Variants in MAST4 observed in about 807,000 individuals in gnomAD.
MAST4 encodes microtubule-associated serine/threonine-protein kinase 4.
A neutral mutation model predicts 162.7 loss-of-function variants in MAST4; 89 were observed. The observed-to-expected ratio is 0.55, with a 90% CI of 0.46 to 0.65. MAST4 has a LOEUF of 0.65. Ranked by LOEUF, MAST4 falls within the 30% of genes least tolerant of loss-of-function variation. The pLI is 0.00. For synonymous variants in MAST4, 1,479 were observed against 1,361.1 expected (o/e 1.09, Z -1.91); for missense variants, 3,153 against 3,374.0 (o/e 0.93, Z 1.62).
intron 3 of MAST4, among the ~76,000 whole-genome samples, chr5:66,870,057 A>G (rs1760814984): frequency 6.6e-6 from 1 of 152,174 alleles, no homozygotes; most frequent in African/African-American, 2.4e-5. Context: ...TTGGCATGGA[A>G]TGAATAATAG....
chr5:66,967,480 G>C (rs555876622), intron 4 of MAST4, among the ~76,000 whole-genome samples: 1 of 152,226 alleles, frequency 6.6e-6, no homozygotes, highest in South Asian at 2.1e-4. Context: ...TATGGAGGTT[G>C]TGGTAAGACA....
chr5:67,117,725 T>A (rs186630304), intron 12 of MAST4, among the ~76,000 whole-genome samples: 28 of 152,094 alleles, frequency 1.8e-4, no homozygotes, highest in African/African-American at 6.5e-4. Context: ...TTAGAGAAAA[T>A]TATTTCATGT....
chr5:66,907,158 CGAGAGAGAGAGAGA>C (rs34963439), intron 4 of MAST4, among the ~76,000 whole-genome samples: 10,275 of 104,326 alleles, frequency 0.098, 484 homozygotes, highest in East Asian at 0.21. Context: ...CTCAGCAAAG[CGAGAGAGAGAGAGA>C]GAGAGAGAGA....
chr5:66,750,996 C>A (rs1315293606), intron 1 of MAST4, among the ~76,000 whole-genome samples: 1 of 152,188 alleles, frequency 6.6e-6, no homozygotes, highest in Non-Finnish European at 1.5e-5. Context: ...CCCCTGACCC[C>A]CAAGCAGCCT....
chr5:67,009,621 T>A (rs939698299), intron 4 of MAST4, among the ~76,000 whole-genome samples: 1 of 152,370 alleles, frequency 6.6e-6, no homozygotes, highest in African/African-American at 2.4e-5. Flanking sequence ...ATGACTGGCA[T>A]GTAAAAATTC....
chr5:67,078,911 A>AATAAATAAATATATATATTAT (rs1227485756), intron 5 of MAST4, among the ~76,000 whole-genome samples: 1 of 38,110 alleles, frequency 2.6e-5, no homozygotes, highest in African/African-American at 1.2e-4. Context: ...TTTTTATATA[A>AATAAATAAATATATATATTAT]ATATATATAT....
chr5:67,149,038 G>A (rs984082765), intron 23 of MAST4, among the ~76,000 whole-genome samples: 2 of 152,130 alleles, frequency 1.3e-5, no homozygotes, highest in Admixed American at 1.3e-4. Flanking sequence ...GCCTTTCATG[G>A]TATGGGGGGG....
chr5:66,885,956 A>C (rs1015531119), intron 3 of MAST4, among the ~76,000 whole-genome samples: 1 of 152,178 alleles, frequency 6.6e-6, no homozygotes, highest in African/African-American at 2.4e-5. Context: ...GATGCTTTAC[A>C]TGTATTATTT....
At chr5:66,604,436 G>T (rs967992986) in intron 1 of MAST4, among the ~76,000 whole-genome samples, 1 of 152,214 alleles carries the variant, frequency 6.6e-6, no homozygotes, top group Non-Finnish European at 1.5e-5. Context: ...AATGATGGTA[G>T]GTGGGAGGGA....
intron 1 of MAST4, among the ~76,000 whole-genome samples, chr5:66,639,304 G>T (rs1195311434): frequency 6.6e-6 from 1 of 151,812 alleles, no homozygotes; most frequent in African/African-American, 2.4e-5. Flanking sequence ...GTGTGTGTGT[G>T]TGTGTGTGTT....
In MAST4 at chr5:66,608,481, A is replaced by G. The variant is rs75812652; in HGVS notation, c.363+11463A>G. Among the ~76,000 whole-genome samples the G allele has an allele frequency of 3.3e-3, 486 of 149,404 alleles. 2 individuals are homozygous for G. The highest frequency in any genetic ancestry group is 0.011 in the African/African-American group (460 of 40,574). ...ATTCTACCTTTCAGATAATGCTTACATAGGAAAATATGGACGACTTATATG... is the reference window on the plus strand; with the variant it reads ...ATTCTACCTTTCAGATAATGCTTACGTAGGAAAATATGGACGACTTATATG... On this transcript the variant is annotated intron_variant, in intron 1 of 28. Transcript: ENST00000403625.
At chr5:66,637,898 G>A (rs1745227576) in intron 1 of MAST4, among the ~76,000 whole-genome samples, 1 of 151,946 alleles carries the variant, frequency 6.6e-6, no homozygotes, top group Non-Finnish European at 1.5e-5. Context: ...TTTTGTAGAG[G>A]TGAGGTCTCA....
intron 4 of MAST4, among the ~76,000 whole-genome samples, chr5:67,017,677 C>T (rs1363422829): frequency 1.3e-5 from 2 of 149,280 alleles, no homozygotes; most frequent in African/African-American, 4.9e-5. Context: ...GATCTCAGCT[C>T]AGTGCAACCT....
chr5:66,610,270 T>C (rs905026473), intron 1 of MAST4, among the ~76,000 whole-genome samples: 1 of 152,074 alleles, frequency 6.6e-6, no homozygotes, highest in Non-Finnish European at 1.5e-5. Flanking sequence ...AGGATACCAG[T>C]CATTTTGGAT....
At chr5:66,693,169 G>A (rs58383432) in intron 1 of MAST4, among the ~76,000 whole-genome samples, 16,934 of 151,898 alleles carry the variant, frequency 0.11, 1,059 homozygotes, top group East Asian at 0.26. Flanking sequence ...CCAATCCCCC[G>A]GGAACTAATG....
At chr5:67,015,034 C>T (rs1753116797) in intron 4 of MAST4, among the ~76,000 whole-genome samples, 2 of 152,150 alleles carry the variant, frequency 1.3e-5, no homozygotes, top group African/African-American at 2.4e-5. Context: ...AGAGACATTC[C>T]ATGGAATGGG....
intron 1 of MAST4, among the ~76,000 whole-genome samples, chr5:66,689,985 A>T (rs554497453): frequency 6.6e-6 from 1 of 152,152 alleles, no homozygotes; most frequent in East Asian, 1.9e-4. Context: ...CTGCAAGTGT[A>T]TCATAGGCCA....
intron 4 of MAST4, among the ~76,000 whole-genome samples, chr5:66,925,983 G>C (rs1203832052): frequency 6.6e-6 from 1 of 151,630 alleles, no homozygotes; most frequent in Non-Finnish European, 1.5e-5. Flanking sequence ...GAGAACAGAT[G>C]AGTGATGGAT....
chr5:66,607,334 A>T (rs1217907280), intron 1 of MAST4, among the ~76,000 whole-genome samples: 3 of 152,240 alleles, frequency 2.0e-5, no homozygotes, highest in African/African-American at 7.2e-5. Flanking sequence ...AAGCTGCTAT[A>T]ATCCTGGGTT....
Sources: allele counts gnomAD v4.1 joint callset (sites outside exome capture counted in the v4.1 genomes callset), GRCh38; gene constraint gnomAD v4.1.1; transcripts MANE v1.5; gene names NCBI Gene and HGNC (gene_info 2026-07-23, HGNC 2026-07-21).